The following HDAC8 variants were observed in gnomAD, a reference collection of about 807,000 sequenced individuals.
HDAC8 encodes histone deacetylase-like 1.
Under a neutral mutation model 32.2 loss-of-function variants are expected in HDAC8, and 1 was observed. That is an observed-to-expected ratio of 0.03 (90% CI 0.01 to 0.15). HDAC8 has a LOEUF of 0.15. HDAC8 is among the 10% of genes least tolerant of loss of function. HDAC8 has a pLI of 1.00. For missense variants in HDAC8, 117 were observed against 300.0 expected (o/e 0.39, Z 4.51); for synonymous variants, 108 against 113.9 (o/e 0.95, Z 0.33).
chrX:72,550,303 G>T (rs1381754766), intron 4 of HDAC8, among the ~76,000 whole-genome samples: 1 of 110,424 alleles, frequency 9.1e-6, no homozygotes, highest in Non-Finnish European at 1.9e-5. Flanking sequence ...GGAACCTATG[G>T]TTCCAGCTTT....
At chrX:72,541,519 T>C (rs935211364) in intron 4 of HDAC8, among the ~76,000 whole-genome samples, 3 of 111,683 alleles carry the variant, frequency 2.7e-5, no homozygotes, top group Non-Finnish European at 5.6e-5. Flanking sequence ...AGTGACAGGA[T>C]CTAATTTGTT....
At chrX:72,335,455 T>C (rs2043654439) in intron 10 of HDAC8, among the ~76,000 whole-genome samples, 1 of 112,051 alleles carries the variant, frequency 8.9e-6, no homozygotes, top group Admixed American at 9.5e-5. Context: ...CAAGATGCAT[T>C]TAAGTTTCCT....
intron 9 of HDAC8, among the ~76,000 whole-genome samples, chrX:72,445,360 G>A (rs1190122321): frequency 9.0e-6 from 1 of 111,102 alleles, no homozygotes; most frequent in African/African-American, 3.3e-5. Flanking sequence ...ACAGAACAGA[G>A]CCCTTAGAAA....
chrX:72,468,134 T>C lies in HDAC8; in HGVS notation c.738-3403A>G, dbSNP rs148836674. ...ACAGAGGGCTGGATTGTGAACACTT[T>C]TAAATTCAAGACTGGAAGTTTTCAT... On this transcript the variant is annotated intron_variant, in intron 7 of 10. Transcript: ENST00000373573. The C allele has an allele frequency of 4.5e-4, 353 of 781,613 alleles. 1 individual carries two copies. In the African/African-American group the frequency reaches 6.6e-3, roughly 15 times the overall value. 64.4% of individuals were successfully genotyped at this position (781,613 alleles called of 1,213,427 possible).
At chrX:72,456,150 C>A (rs1555989515) in intron 9 of HDAC8, among the ~76,000 whole-genome samples, 5 of 111,601 alleles carry the variant, frequency 4.5e-5, no homozygotes, top group Non-Finnish European at 9.4e-5. Flanking sequence ...TTCTATTAAG[C>A]CAGATGTTAA....
At chrX:72,563,037 A>G (rs190244271) in intron 4 of HDAC8, among the ~76,000 whole-genome samples, 2,181 of 108,883 alleles carry the variant, frequency 0.02, 56 homozygotes, top group African/African-American at 0.067. Flanking sequence ...GCCCGCCACC[A>G]TACCCGGCTA....
intron 4 of HDAC8, among the ~76,000 whole-genome samples, chrX:72,535,665 T>C (rs2050499550): frequency 8.9e-6 from 1 of 112,120 alleles, no homozygotes; most frequent in African/African-American, 3.2e-5. Context: ...AATACTATGG[T>C]AAAATTTGAT....
At chrX:72,427,876 A>G (rs2046696081) in intron 9 of HDAC8, among the ~76,000 whole-genome samples, 1 of 112,169 alleles carries the variant, frequency 8.9e-6, no homozygotes, top group Non-Finnish European at 1.9e-5. Context: ...AAGTAATAAG[A>G]CATGTTAAAA....
intron 4 of HDAC8, among the ~76,000 whole-genome samples, chrX:72,558,459 A>T (rs948683645): frequency 2.7e-5 from 3 of 112,252 alleles, no homozygotes; most frequent in Non-Finnish European, 3.8e-5. Flanking sequence ...GTGATATACC[A>T]CATAAACAGA....
At chrX:72,546,804 A>T (rs1412922105) in intron 4 of HDAC8, among the ~76,000 whole-genome samples, 1 of 111,159 alleles carries the variant, frequency 9.0e-6, no homozygotes, top group African/African-American at 3.3e-5. Flanking sequence ...CTCCTTTACC[A>T]CACTCATTCT....
At chrX:72,475,089 G>T (rs1219680534) in intron 7 of HDAC8, among the ~76,000 whole-genome samples, 1 of 110,925 alleles carries the variant, frequency 9.0e-6, no homozygotes, top group Non-Finnish European at 1.9e-5. Flanking sequence ...CTCCCAGAAG[G>T]TTTAGTCTCC....
chrX:72,482,291 C>T (rs2048532879), intron 7 of HDAC8, among the ~76,000 whole-genome samples: 1 of 111,877 alleles, frequency 8.9e-6, no homozygotes, highest in Admixed American at 9.5e-5. Flanking sequence ...CATGAGAAGA[C>T]CTCTGTAAAA....
At chrX:72,402,445 G>C (rs1157177730) in intron 9 of HDAC8, among the ~76,000 whole-genome samples, 1 of 98,980 alleles carries the variant, frequency 1.0e-5, no homozygotes, top group Non-Finnish European at 2.0e-5. Flanking sequence ...TCTTAAAGTA[G>C]AAAGTTATCA....
chrX:72,568,703 TA>T, intron 3 of HDAC8, 50 bp downstream of exon 3: 9 of 1,166,595 alleles, frequency 7.7e-6, no homozygotes, highest in Non-Finnish European at 9.3e-6. Flanking sequence ...ATACAAGTTA[TA>T]AAAAAAATTA....
In HDAC8 at chrX:72,428,235, A is replaced by C. The variant is rs946984729; in HGVS notation, c.1005+33769T>G. ...CAGCCTCCTGAGTAGCCGGGATTAC[A>C]GGCATGCGCCACCACACCTGGCTAA... is the stretch of plus-strand genomic sequence containing the variant. On this transcript the variant is annotated intron_variant, in intron 9 of 10. Coordinates refer to ENST00000373573, the MANE Select transcript of HDAC8 (RefSeq NM_018486.3). Among the ~76,000 whole-genome samples the C allele has an allele frequency of 6.2e-5, 7 of 112,184 alleles. No homozygotes were observed. In the Admixed American group the frequency reaches 6.6e-4, roughly 11 times the overall value.
intron 7 of HDAC8, among the ~76,000 whole-genome samples, chrX:72,483,484 A>G (rs1458664449): frequency 9.0e-6 from 1 of 111,376 alleles, no homozygotes; most frequent in Non-Finnish European, 1.9e-5. Flanking sequence ...CACGACTGTA[A>G]ACTTCCTGAG....
intron 4 of HDAC8, among the ~76,000 whole-genome samples, chrX:72,553,381 C>G (rs1469962249): frequency 9.0e-6 from 1 of 111,586 alleles, no homozygotes; most frequent in African/African-American, 3.3e-5. Flanking sequence ...AATATCCCTT[C>G]AAGTGGATAT....
intron 9 of HDAC8, among the ~76,000 whole-genome samples, chrX:72,416,846 C>T (rs1555971968): frequency 3.6e-5 from 4 of 109,814 alleles, no homozygotes; most frequent in Admixed American, 2.9e-4. Context: ...GGCAATTATC[C>T]TGTTATCTTT....
Position 72,540,584 on chromosome X carries a change from T to C in HDAC8, c.437+27305A>G, listed in dbSNP as rs113775300. On this transcript the variant is annotated intron_variant, in intron 4 of 10. Transcript: ENST00000373573. ...CACAGTCTAGTAATGTTCAATATGC[T>C]GGAATCTCTGACATCCTGACTGCTT... 7.6e-3 allele frequency among the ~76,000 whole-genome samples: 844 copies of C among 110,486 alleles called. 7 individuals carry two copies. Among genetic ancestry groups the C allele is most frequent in the African/African-American group, 0.025 (771 of 30,422 alleles).
Sources: gnomAD v4.1 joint callset for allele counts (sites outside exome capture counted in the v4.1 genomes callset) on GRCh38, gnomAD v4.1.1 for gene constraint, MANE v1.5 for transcripts, NCBI Gene and HGNC (gene_info 2026-07-23, HGNC 2026-07-21) for gene names.